The following EYS variants were observed in gnomAD, a reference collection of about 807,000 sequenced individuals.
EYS encodes the protein EGF-like photoreceptor maintenance factor.
A neutral mutation model predicts 282.1 loss-of-function variants in EYS; 250 were observed. That is an observed-to-expected ratio of 0.89 (90% CI 0.80 to 0.98). The LOEUF is 0.98. Among genes scored for constraint, EYS ranks in the 50% least tolerant of loss-of-function variants. The pLI, the probability that EYS is intolerant of heterozygous loss-of-function variation, is 0.00. For missense variants in EYS, 4,016 were observed against 3,709.0 expected (o/e 1.08, Z -2.15); for synonymous variants, 1,355 against 1,282.9 (o/e 1.06, Z -1.20).
At chr6:63,890,271 C>T (rs765661250) in intron 35 of EYS, among the ~76,000 whole-genome samples, 5 of 152,184 alleles carry the variant, frequency 3.3e-5, no homozygotes, top group African/African-American at 4.8e-5. Context: ...ACAGAACTCT[C>T]CACCCTAAAT....
At chr6:65,576,883 T>C (rs1157549589) in intron 2 of EYS, among the ~76,000 whole-genome samples, 2 of 151,684 alleles carry the variant, frequency 1.3e-5, no homozygotes, top group Non-Finnish European at 1.5e-5. Context: ...CTTTGTATAC[T>C]GAAAACTCTA....
chr6:64,518,128 C>T (rs1036167891), intron 26 of EYS, among the ~76,000 whole-genome samples: 2 of 151,850 alleles, frequency 1.3e-5, no homozygotes, highest in Admixed American at 1.3e-4. Flanking sequence ...AGCTTAAAAA[C>T]ATTATCCAAA....
chr6:64,196,652 C>A (rs1383767488), intron 31 of EYS, among the ~76,000 whole-genome samples: 1 of 150,890 alleles, frequency 6.6e-6, no homozygotes, highest in Non-Finnish European at 1.5e-5. Flanking sequence ...GAACAAAAAA[C>A]CAAACACCGC....
At chr6:64,227,465 G>T (rs1010278302) in intron 31 of EYS, among the ~76,000 whole-genome samples, 11 of 151,832 alleles carry the variant, frequency 7.2e-5, no homozygotes, top group Non-Finnish European at 1.6e-4. Context: ...CAGTAATATA[G>T]CATGGTGGTT....
intron 15 of EYS, among the ~76,000 whole-genome samples, chr6:64,913,454 T>C (rs1280432749): frequency 1.3e-5 from 2 of 152,086 alleles, no homozygotes; most frequent in Admixed American, 1.3e-4. Context: ...TTTCCATCTT[T>C]ATGTCCATGT....
At chr6:63,778,571 TATATC>T (rs1770127144) in intron 39 of EYS, among the ~76,000 whole-genome samples, 1 of 152,194 alleles carries the variant, frequency 6.6e-6, no homozygotes, top group Non-Finnish European at 1.5e-5. Flanking sequence ...CATATTTTCT[TATATC>T]AAAATATATT....
intron 14 of EYS, among the ~76,000 whole-genome samples, chr6:64,977,667 GAAA>G (rs35684989): frequency 1.6e-5 from 2 of 122,014 alleles, no homozygotes; most frequent in Non-Finnish European, 1.7e-5. Context: ...AGCTGTGAAT[GAAA>G]AAAAAAAAAA....
chr6:64,201,811 C>T (rs1765466007), intron 31 of EYS, among the ~76,000 whole-genome samples: 1 of 152,166 alleles, frequency 6.6e-6, no homozygotes, highest in Non-Finnish European at 1.5e-5. Flanking sequence ...TATACTTTTG[C>T]TGGTGAATAT....
At chr6:63,946,278 A>G (rs545892255) in intron 35 of EYS, among the ~76,000 whole-genome samples, 1 of 152,206 alleles carries the variant, frequency 6.6e-6, no homozygotes, top group South Asian at 2.1e-4. Context: ...GCAAGTTTTT[A>G]TGTCTCAGCA....
chr6:65,406,178 T>A (rs933317750), intron 5 of EYS, among the ~76,000 whole-genome samples: 6 of 152,132 alleles, frequency 3.9e-5, no homozygotes, highest in African/African-American at 1.4e-4. Context: ...TAATTATTTT[T>A]AGCATCTTCT....
chr6:65,012,598 G>A (rs1046256082), intron 13 of EYS, among the ~76,000 whole-genome samples: 2 of 152,042 alleles, frequency 1.3e-5, no homozygotes, highest in African/African-American at 2.4e-5. Flanking sequence ...AAGTACTATA[G>A]TTGTTTGAGA....
intron 2 of EYS, among the ~76,000 whole-genome samples, chr6:65,590,781 C>T (rs934823752): frequency 1.3e-5 from 2 of 151,516 alleles, no homozygotes; most frequent in African/African-American, 4.8e-5. Flanking sequence ...CAGGCAATTT[C>T]GTGTTGCCTC....
intron 19 of EYS, among the ~76,000 whole-genome samples, chr6:64,882,232 A>T (rs974336622): frequency 1.3e-5 from 2 of 151,792 alleles, no homozygotes; most frequent in Admixed American, 6.6e-5. Flanking sequence ...ATCTCTGAAT[A>T]AAAAAGATAT....
At chr6:63,986,590 G>A (rs1582084029) in intron 34 of EYS, among the ~76,000 whole-genome samples, 1 of 151,748 alleles carries the variant, frequency 6.6e-6, no homozygotes, top group African/African-American at 2.4e-5. Flanking sequence ...GGAATAATAT[G>A]CAGCCATAAA....
intron 41 of EYS, among the ~76,000 whole-genome samples, chr6:63,729,611 C>T (rs1262266975): frequency 6.6e-6 from 1 of 151,502 alleles, no homozygotes; most frequent in Non-Finnish European, 1.5e-5. Flanking sequence ...TATTCTTCTT[C>T]CTCTTTTGTC....
chr6:65,529,278 T>C (rs1458004712), intron 2 of EYS, among the ~76,000 whole-genome samples: 1 of 152,172 alleles, frequency 6.6e-6, no homozygotes, highest in African/African-American at 2.4e-5. Context: ...GATGCTTACT[T>C]CCTCATAATT....
chr6:64,243,800 A>T (rs932168302), intron 30 of EYS, among the ~76,000 whole-genome samples: 1 of 152,232 alleles, frequency 6.6e-6, no homozygotes, highest in Non-Finnish European at 1.5e-5. Context: ...TTCATTATAC[A>T]TGATGTAACT....
chr6:63,756,137 T>G (rs1055121447), intron 41 of EYS, among the ~76,000 whole-genome samples: 1 of 152,216 alleles, frequency 6.6e-6, no homozygotes, highest in Non-Finnish European at 1.5e-5. Context: ...TCTTGCCTGA[T>G]TGCCCTGGCC....
chr6:64,336,387 G>A (rs1180861113), intron 29 of EYS, among the ~76,000 whole-genome samples: 1 of 151,946 alleles, frequency 6.6e-6, no homozygotes, highest in Non-Finnish European at 1.5e-5. Context: ...CACAAAGAGG[G>A]ACATTATATA....
Sources: gnomAD v4.1 joint callset for allele counts (sites outside exome capture counted in the v4.1 genomes callset) on GRCh38, gnomAD v4.1.1 for gene constraint, MANE v1.5 for transcripts, NCBI Gene and HGNC (gene_info 2026-07-23, HGNC 2026-07-21) for gene names.